Variants in GPR107 observed in about 807,000 individuals in gnomAD.
GPR107 encodes G protein-coupled receptor 107.
GPR107 carries 31 observed loss-of-function variants against 75.5 expected under a neutral mutation model. That is an observed-to-expected ratio of 0.41 (90% confidence interval 0.31 to 0.55). GPR107 has a LOEUF of 0.55. Among genes scored for constraint, GPR107 ranks in the 20% least tolerant of loss-of-function variants. GPR107 has a pLI of 0.26. For synonymous variants in GPR107, 267 were observed against 251.3 expected, an observed-to-expected ratio of 1.06 and a Z score of -0.59; for missense variants, 572 against 665.7, an observed-to-expected ratio of 0.86 and a Z score of 1.55.
intron 14 of GPR107, among the ~76,000 whole-genome samples, chr9:130,119,192 C>T (rs947433496): frequency 6.6e-6 from 1 of 152,204 alleles, no homozygotes; most frequent in African/African-American, 2.4e-5. Flanking sequence ...TGGTTTCACC[C>T]TGCTCAGAGC....
At chr9:130,134,516 A>G (rs1473970444) in intron 17 of GPR107, among the ~76,000 whole-genome samples, 2 of 152,266 alleles carry the variant, frequency 1.3e-5, no homozygotes, top group African/African-American at 2.4e-5. Flanking sequence ...TTCTCTGTCT[A>G]TAGTGGCCAA....
chr9:130,097,043 A>G (rs1830890712), intron 9 of GPR107, among the ~76,000 whole-genome samples: 1 of 152,124 alleles, frequency 6.6e-6, no homozygotes, highest in Admixed American at 6.5e-5. Flanking sequence ...CAGTGCTGGC[A>G]TGTACCTCCA....
chr9:130,058,311 C>T (rs1424646344), intron 1 of GPR107, among the ~76,000 whole-genome samples: 2 of 152,110 alleles, frequency 1.3e-5, no homozygotes, highest in Admixed American at 6.6e-5. Flanking sequence ...AGCCACAGAA[C>T]GTTTCTGTCA....
At chr9:130,068,236 AG>A (rs1462420502) in intron 1 of GPR107, among the ~76,000 whole-genome samples, 1 of 152,094 alleles carries the variant, frequency 6.6e-6, no homozygotes, top group African/African-American at 2.4e-5. Flanking sequence ...CCGCAGGGGA[AG>A]GGGTAGCAGA....
Position 130,053,985 on chromosome 9 carries a change from C to T in GPR107, c.53C>T (p.Ala18Val), listed in dbSNP as rs1250407387. Reference protein sequence around the residue: ...GSPASRGPRLAAGLRLLPMLG... With the variant: ...GSPASRGPRLVAGLRLLPMLG... Reference sequence around the variant, plus strand: ...CCCGCCTCCCGCGGTCCTAGGCTGGCCGCGGGCCTCCGGCTGCTCCCAATG... The same window carrying T: ...CCCGCCTCCCGCGGTCCTAGGCTGGTCGCGGGCCTCCGGCTGCTCCCAATG... The change falls in exon 1 of 18, where the codon GCC becomes GTC. Residue 18 changes from alanine to valine, a missense_variant. By Grantham distance (64) the Ala-to-Val change is moderately conservative (BLOSUM62 0). Transcript: ENST00000347136. The T allele has an allele frequency of 5.2e-6, 8 of 1,552,586 alleles. No homozygotes were observed. Among genetic ancestry groups the T allele is most frequent in the Non-Finnish European group, 6.1e-6 (7 of 1,149,128 alleles).
At chr9:130,059,093 C>A (rs935905781) in intron 1 of GPR107, among the ~76,000 whole-genome samples, 1 of 152,220 alleles carries the variant, frequency 6.6e-6, no homozygotes, top group Non-Finnish European at 1.5e-5. Flanking sequence ...AACTGCCAAA[C>A]TATTTTCCAA....
intron 14 of GPR107, chr9:130,108,911 G>GCC: frequency 2.7e-6 from 1 of 368,380 alleles, no homozygotes; most frequent in South Asian, 2.0e-5. Flanking sequence ...CTTTCTTGGA[G>GCC]CCCAGTAAAG....
At chr9:130,130,825 A>C (rs1449693810) in intron 17 of GPR107, among the ~76,000 whole-genome samples, 3 of 148,500 alleles carry the variant, frequency 2.0e-5, no homozygotes, top group Non-Finnish European at 4.4e-5. Flanking sequence ...TGCTGAGATC[A>C]CGCCACTGCA....
At chr9:130,093,697 T>C (rs1830796036) in intron 9 of GPR107, among the ~76,000 whole-genome samples, 1 of 152,130 alleles carries the variant, frequency 6.6e-6, no homozygotes, top group African/African-American at 2.4e-5. Context: ...AAAAATCCTA[T>C]GGGCGAGGTG....
intron 10 of GPR107, among the ~76,000 whole-genome samples, chr9:130,099,988 A>G (rs1472923369): frequency 7.3e-6 from 1 of 137,770 alleles, no homozygotes; most frequent in African/African-American, 2.8e-5. Flanking sequence ...TCCTCCCCTC[A>G]GGTTCACGCC....
At chr9:130,081,156 T>C (rs914051939) in intron 5 of GPR107, among the ~76,000 whole-genome samples, 3 of 151,514 alleles carry the variant, frequency 2.0e-5, no homozygotes, top group African/African-American at 7.3e-5. Context: ...CTAGGCCACA[T>C]TGAGCCGTGA....
intron 4 of GPR107, among the ~76,000 whole-genome samples, chr9:130,078,648 T>C (rs1830417924): frequency 6.6e-6 from 1 of 152,208 alleles, no homozygotes; most frequent in South Asian, 2.1e-4. Flanking sequence ...GCATTTCATC[T>C]TTCTGCTCTG....
intron 1 of GPR107, among the ~76,000 whole-genome samples, chr9:130,073,057 A>G (rs1009209657): frequency 2.0e-5 from 3 of 152,156 alleles, no homozygotes; most frequent in Non-Finnish European, 4.4e-5. Context: ...CCTTCCCTCA[A>G]GTCCCAGGAA....
rs189301004 is a variant in GPR107, at chr9:130,107,088, C to T, written c.1263-408C>T. Among the ~76,000 whole-genome samples the T allele has an allele frequency of 1.8e-4, 28 of 152,238 alleles. No individual in the cohort carries two copies. In the South Asian group the frequency reaches 5.2e-3, roughly 28 times the overall value. Reference sequence around the variant, plus strand: ...GTGCTGTATGTTCACAGCTCTTAGACCTAGACTCTAGAAGTCAGCTGGTGA... The same window carrying T: ...GTGCTGTATGTTCACAGCTCTTAGATCTAGACTCTAGAAGTCAGCTGGTGA... On this transcript the variant is annotated intron_variant, in intron 13 of 17. Transcript: ENST00000347136.
intron 9 of GPR107, among the ~76,000 whole-genome samples, chr9:130,093,116 T>G (rs1165051083): frequency 1.3e-5 from 2 of 152,156 alleles, no homozygotes; most frequent in Non-Finnish European, 2.9e-5. Flanking sequence ...AGGTCTTGGC[T>G]CAAAGCTGCA....
chr9:130,054,420 G>C (rs1253079947), intron 1 of GPR107, among the ~76,000 whole-genome samples: 1 of 152,176 alleles, frequency 6.6e-6, no homozygotes, highest in Non-Finnish European at 1.5e-5. Flanking sequence ...CTCCCCTCCA[G>C]CTTTTATGCT....
In GPR107 at chr9:130,064,190, T is replaced by C. The variant is rs1229998012; in HGVS notation, c.141+10117T>C. Among the ~76,000 whole-genome samples the C allele has an allele frequency of 1.4e-4, 7 of 50,906 alleles. No homozygotes were observed. In the South Asian group the frequency reaches 4.3e-3, roughly 31 times the overall value. 33.4% of individuals were successfully genotyped at this position (50,906 alleles called of 152,430 possible). A position where few individuals can be genotyped will look rare whatever the true frequency, so the allele number is the denominator to read the frequency against. On this transcript the variant is annotated intron_variant, in intron 1 of 17. Transcript: ENST00000347136. ...TGAACTATAAAATAGCTTTTCTTTT[T>C]TTTTTTTTTTTTTTTTTTGAGACGG...
chr9:130,110,226 G>C, intron 14 of GPR107: 2 of 630,794 alleles, frequency 3.2e-6, no homozygotes, highest in Non-Finnish European at 2.9e-6. Flanking sequence ...AAGGTGCTCT[G>C]TCTGGAGTAG....
At chr9:130,076,697 T>G (rs1830357368) in intron 3 of GPR107, among the ~76,000 whole-genome samples, 1 of 151,548 alleles carries the variant, frequency 6.6e-6, no homozygotes, top group African/African-American at 2.4e-5. Context: ...GTATTTTTAG[T>G]AGAGACAGGG....
Sources: allele counts gnomAD v4.1 joint callset (sites outside exome capture counted in the v4.1 genomes callset), GRCh38; gene constraint gnomAD v4.1.1; transcripts MANE v1.5; gene names NCBI Gene and HGNC (gene_info 2026-07-23, HGNC 2026-07-21).